Variants in MBOAT2 observed in about 807,000 individuals in gnomAD.
The protein encoded by MBOAT2 is membrane bound glycerophospholipid O-acyltransferase 2, also known as membrane-bound glycerophospholipid O-acyltransferase 2.
In MBOAT2, 28 loss-of-function variants were observed where a neutral mutation model predicts 63.4. The ratio of observed to expected loss-of-function variants is 0.44; its 90% confidence interval spans 0.33 to 0.61. MBOAT2 has a LOEUF of 0.61. Ranked by LOEUF, MBOAT2 falls within the 20% of genes least tolerant of loss-of-function variation. MBOAT2 has a pLI of 0.03. For synonymous variants in MBOAT2, 211 were observed against 215.6 expected, an observed-to-expected ratio of 0.98 and a Z score of 0.19; for missense variants, 470 against 605.8, an observed-to-expected ratio of 0.78 and a Z score of 2.35.
At chr2:8,884,076 GA>G (rs1052109418) in intron 5 of MBOAT2, among the ~76,000 whole-genome samples, 3,174 of 133,002 alleles carry the variant, frequency 0.024, 46 homozygotes, top group Middle Eastern at 0.055. Flanking sequence ...AAAAAAAAAA[GA>G]AAAAAAAAAT....
chr2:8,882,421 G>A (rs1663207008), intron 6 of MBOAT2, 90 bp downstream of exon 6: 1 of 1,248,004 alleles, frequency 8.0e-7, no homozygotes, highest in Non-Finnish European at 1.2e-6. Context: ...AGTACCTCTA[G>A]AAGGACTAGT....
chr2:9,003,524 G>T lies in MBOAT2; in HGVS notation c.75+16C>A. 1 of 1,193,240 alleles carries T rather than the reference G, an allele frequency of 8.4e-7. No individual in the cohort carries two copies. Among genetic ancestry groups the T allele is most frequent in the Admixed American group, 4.4e-5 (1 of 22,508 alleles). 73.9% of individuals were successfully genotyped at this position (1,193,240 alleles called of 1,614,324 possible). A position where few individuals can be genotyped will look rare whatever the true frequency, so the allele number is the denominator to read the frequency against. ...GGCGAGGGCGCGACGCCCGGCGCCA[G>T]GGCGCCTCGGGGTACCTGGTCGATG... On this transcript the variant is annotated intron_variant, in intron 1 of 12. Coordinates refer to ENST00000305997, the MANE Select transcript of MBOAT2 (RefSeq NM_138799.4). This position sits in a 1 kb window ranked among gnomAD's most constrained non-coding sequence, Gnocchi z 5.4.
At chr2:8,996,543 C>T (rs1016201333) in intron 1 of MBOAT2, among the ~76,000 whole-genome samples, 2 of 152,152 alleles carry the variant, frequency 1.3e-5, no homozygotes, top group South Asian at 2.1e-4. Context: ...GAGGCAGGGG[C>T]ATGCTCTCCC....
At chr2:8,889,214 C>T (rs547886036) in intron 4 of MBOAT2, among the ~76,000 whole-genome samples, 1 of 152,178 alleles carries the variant, frequency 6.6e-6, no homozygotes, top group Non-Finnish European at 1.5e-5. Context: ...CAGTCCACAC[C>T]GCTCAGTGCA....
At chr2:8,951,968 T>G (rs190220958) in intron 2 of MBOAT2, among the ~76,000 whole-genome samples, 1 of 152,226 alleles carries the variant, frequency 6.6e-6, no homozygotes, top group Non-Finnish European at 1.5e-5. Flanking sequence ...TCTGCTAGCT[T>G]TGAGGTTAGT....
chr2:8,951,329 C>T (rs914268621), intron 2 of MBOAT2, among the ~76,000 whole-genome samples: 9 of 151,996 alleles, frequency 5.9e-5, no homozygotes, highest in East Asian at 1.9e-4. Context: ...CTCAGCCTCC[C>T]GAGTAGCTGG....
At chr2:8,878,884 A>G (rs576127496) in intron 6 of MBOAT2, among the ~76,000 whole-genome samples, 361 of 151,962 alleles carry the variant, frequency 2.4e-3, no homozygotes, top group African/African-American at 7.1e-3. Context: ...AGACCATCCC[A>G]GCTAAAACGG....
intron 12 of MBOAT2, among the ~76,000 whole-genome samples, chr2:8,859,344 G>A (rs757538229): frequency 2.6e-5 from 4 of 152,128 alleles, no homozygotes; most frequent in Admixed American, 6.5e-5. Flanking sequence ...ATATTCTAAC[G>A]GAGGGGAGTG....
chr2:8,885,857 T>C (rs566287757), intron 5 of MBOAT2, among the ~76,000 whole-genome samples: 2 of 152,346 alleles, frequency 1.3e-5, no homozygotes, highest in African/African-American at 4.8e-5. Flanking sequence ...AGGTAATTTA[T>C]TTGGTTTCAT....
intron 1 of MBOAT2, among the ~76,000 whole-genome samples, chr2:8,964,850 C>T (rs1558662721): frequency 1.3e-5 from 2 of 152,146 alleles, no homozygotes; most frequent in South Asian, 4.1e-4. Context: ...CCAGGATGAA[C>T]ATTTTTCTTA....
intron 4 of MBOAT2, among the ~76,000 whole-genome samples, chr2:8,900,628 T>A (rs2148574191): frequency 6.6e-6 from 1 of 152,182 alleles, no homozygotes; most frequent in South Asian, 2.1e-4. Context: ...TGGGGGAGAT[T>A]AGAGGAGGAT....
At chr2:8,956,923 A>G (rs1573164413) in intron 2 of MBOAT2, among the ~76,000 whole-genome samples, 1 of 152,194 alleles carries the variant, frequency 6.6e-6, no homozygotes, top group South Asian at 2.1e-4. Flanking sequence ...TATTGTTTAT[A>G]TTTTTATCTT....
intron 6 of MBOAT2, among the ~76,000 whole-genome samples, chr2:8,880,519 T>C (rs938281013): frequency 1.3e-5 from 2 of 152,202 alleles, no homozygotes; most frequent in Admixed American, 6.5e-5. Context: ...GGCAGTTGGA[T>C]AAATGAGGCT....
At chr2:8,929,200 C>A (rs938294042) in intron 3 of MBOAT2, among the ~76,000 whole-genome samples, 1 of 152,130 alleles carries the variant, frequency 6.6e-6, no homozygotes, top group African/African-American at 2.4e-5. Context: ...TCTGGTATAA[C>A]CCTTTACTTC....
At position 8,960,007 on chromosome 2, in the gene MBOAT2, C is replaced by T. The variant is rs115073300; in HGVS notation, c.76-1365G>A. 7.0e-3 allele frequency among the ~76,000 whole-genome samples: 1,068 copies of T among 152,280 alleles called. 11 individuals are homozygous for T. Among genetic ancestry groups the T allele is most frequent in the South Asian group, 0.02 (98 of 4,828 alleles). Reference sequence around the variant, plus strand: ...ACACAGACAAGTATGTTCTCTTTCTCACATATCAAGGAGAAAAACAGTAGA... The same window carrying T: ...ACACAGACAAGTATGTTCTCTTTCTTACATATCAAGGAGAAAAACAGTAGA... On this transcript the variant is annotated intron_variant, in intron 1 of 12. Coordinates refer to ENST00000305997, the MANE Select transcript of MBOAT2 (RefSeq NM_138799.4).
At chr2:8,933,184 A>T (rs1667442573) in intron 3 of MBOAT2, among the ~76,000 whole-genome samples, 1 of 152,192 alleles carries the variant, frequency 6.6e-6, no homozygotes, top group Non-Finnish European at 1.5e-5. Flanking sequence ...AAGTAAGATT[A>T]GTTTCTAGAA....
chr2:8,926,259 G>A (rs1295341711), intron 3 of MBOAT2, among the ~76,000 whole-genome samples: 1 of 152,102 alleles, frequency 6.6e-6, no homozygotes, highest in African/African-American at 2.4e-5. Flanking sequence ...CTTCTACATA[G>A]CTGGGACTAC....
At chr2:8,912,373 G>GAA (rs67420836) in intron 3 of MBOAT2, among the ~76,000 whole-genome samples, 3,122 of 79,458 alleles carry the variant, frequency 0.039, 52 homozygotes, top group East Asian at 0.052. Flanking sequence ...AAGAAAGAAA[G>GAA]AGAAAGAAAG....
intron 1 of MBOAT2, among the ~76,000 whole-genome samples, chr2:9,002,186 C>CT (rs1672737393): frequency 6.6e-6 from 1 of 152,186 alleles, no homozygotes; most frequent in African/African-American, 2.4e-5. Context: ...CACTACCATA[C>CT]TTTATTAGCA....
Sources: allele counts gnomAD v4.1 joint callset (sites outside exome capture counted in the v4.1 genomes callset), GRCh38; gene constraint gnomAD v4.1.1; non-coding constraint Gnocchi (gnomAD v3.1); transcripts MANE v1.5; gene names NCBI Gene and HGNC (gene_info 2026-07-23, HGNC 2026-07-21).